PDS5A: variants seen among roughly 807,000 people sequenced by gnomAD.
PDS5A encodes sister chromatid cohesion protein PDS5 homolog A.
PDS5A carries 42 observed loss-of-function variants against 167.1 expected under a neutral mutation model. The observed-to-expected ratio is 0.25, with a 90% CI of 0.20 to 0.33. The LOEUF is 0.33. Ranked by LOEUF, PDS5A falls within the 10% of genes least tolerant of loss-of-function variation. The probability of loss-of-function intolerance (pLI) is 1.00; values close to 1 mark genes in which losing one functional copy is unlikely to be tolerated. For missense variants in PDS5A, 1,033 were observed against 1,605.9 expected, an observed-to-expected ratio of 0.64 and a Z score of 6.10; for synonymous variants, 553 against 554.6, an observed-to-expected ratio of 1.00 and a Z score of 0.04.
chr4:39,845,804 TAAGTA>T lies in PDS5A; in HGVS notation c.3402+9_3402+13del. ...CATGAAACAAAGATCTCAAAATTAT[TAAGTA>T]AATAATACCTTTCCTGTTAACAGAA... On this transcript the variant is annotated intron_variant, in intron 29 of 32. Coordinates refer to ENST00000303538, the MANE Select transcript of PDS5A (RefSeq NM_001100399.2). 2.2e-6 allele frequency: 3 copies of T among 1,392,732 alleles called. No homozygotes were observed. Among genetic ancestry groups the T allele is most frequent in the South Asian group, 1.6e-5 (1 of 61,556 alleles). The allele number at this position is 1,392,732 out of a possible 1,614,324, so 86.3% of individuals were successfully genotyped here.
chr4:39,829,950 CA>C (rs1158287221), intron 32 of PDS5A, among the ~76,000 whole-genome samples: 19 of 67,294 alleles, frequency 2.8e-4, no homozygotes, highest in African/African-American at 1.5e-3. Context: ...GACTCCAACT[CA>C]AAAAAAAAAA....
chr4:39,848,761 A>C (rs1219544591), intron 28 of PDS5A, 90 bp downstream of exon 28: 1 of 1,187,214 alleles, frequency 8.4e-7, no homozygotes, highest in Non-Finnish European at 1.2e-6. Context: ...CTCTGTGGTC[A>C]AGACAATTCA....
chr4:39,895,083 C>T (rs966298368), intron 16 of PDS5A, among the ~76,000 whole-genome samples: 4 of 150,762 alleles, frequency 2.7e-5, no homozygotes, highest in Admixed American at 1.3e-4. Flanking sequence ...AAAAATTAGC[C>T]GGGCGAGGTG....
chr4:39,897,299 G>T (rs1282788696), intron 16 of PDS5A, among the ~76,000 whole-genome samples: 1 of 152,142 alleles, frequency 6.6e-6, no homozygotes, highest in Non-Finnish European at 1.5e-5. Flanking sequence ...GAAGGCTGAG[G>T]CACAAGAATC....
chr4:39,873,268 G>A lies in PDS5A; in HGVS notation c.2278-124C>T, dbSNP rs1017046877. ...TGCCCAAACCAATCTTCTCTAATAC[G>A]ATCATAACTAACTTCAACCATGTTA... On this transcript the variant is annotated intron_variant, in intron 20 of 32. Coordinates refer to ENST00000303538, the MANE Select transcript of PDS5A (RefSeq NM_001100399.2). 12 of 456,246 alleles carry A rather than the reference G, an allele frequency of 2.6e-5. No individual in the cohort carries two copies. In the South Asian group the frequency reaches 8.1e-4, roughly 31 times the overall value. 28.3% of individuals were successfully genotyped at this position (456,246 alleles called of 1,614,324 possible).
intron 2 of PDS5A, among the ~76,000 whole-genome samples, chr4:39,975,667 A>G (rs1015429595): frequency 1.3e-5 from 2 of 152,164 alleles, no homozygotes; most frequent in African/African-American, 4.8e-5. Flanking sequence ...ACCAATTGTG[A>G]CAACCAAAAT....
intron 4 of PDS5A, among the ~76,000 whole-genome samples, 165 bp downstream of exon 4, chr4:39,926,610 G>A (rs1725494093): frequency 6.6e-6 from 1 of 151,398 alleles, no homozygotes; most frequent in African/African-American, 2.4e-5. Context: ...TATCTCTTCA[G>A]GATAGGAAGA....
chr4:39,825,678 C>T (rs1399224394), intron 32 of PDS5A, among the ~76,000 whole-genome samples, 190 bp from the exon 33 acceptor site: 1 of 151,922 alleles, frequency 6.6e-6, no homozygotes, highest in Admixed American at 6.6e-5. Context: ...AGCCCCAACT[C>T]CTGGGTTCAA....
At chr4:39,949,287 G>A (rs1346642440) in intron 2 of PDS5A, among the ~76,000 whole-genome samples, 7 of 101,832 alleles carry the variant, frequency 6.9e-5, no homozygotes, top group Non-Finnish European at 1.1e-4. Context: ...GGATGAAAGA[G>A]CAAGAACCTA....
At chr4:39,867,152 T>C in intron 22 of PDS5A, 155 bp from the exon 23 acceptor site, 1 of 579,528 alleles carries the variant, frequency 1.7e-6, no homozygotes, top group Non-Finnish European at 2.9e-6. Flanking sequence ...TACGAACTAA[T>C]ATTTACTCTG....
chr4:39,927,363 T>A (rs1725566712), intron 3 of PDS5A, among the ~76,000 whole-genome samples: 2 of 152,226 alleles, frequency 1.3e-5, no homozygotes, highest in Non-Finnish European at 1.5e-5. Flanking sequence ...TTTCATTTCT[T>A]AATAAGCTTT....
intron 2 of PDS5A, among the ~76,000 whole-genome samples, chr4:39,955,531 G>T (rs1174559190): frequency 6.6e-6 from 1 of 152,006 alleles, no homozygotes; most frequent in Middle Eastern, 3.4e-3. Context: ...ACCCGGGGGA[G>T]CGGAGGTTGC....
At chr4:39,825,599 T>A (rs1046702123) in intron 32 of PDS5A, 111 bp from the exon 33 acceptor site, 57 of 719,606 alleles carry the variant, frequency 7.9e-5, no homozygotes, top group East Asian at 1.0e-4. Flanking sequence ...TTTTTTTTTT[T>A]AAACTTAAGC....
chr4:39,943,330 A>G (rs997538767), intron 2 of PDS5A, among the ~76,000 whole-genome samples: 1 of 152,120 alleles, frequency 6.6e-6, no homozygotes, highest in Non-Finnish European at 1.5e-5. Flanking sequence ...ACCAGCATAG[A>G]CTACTTGATA....
At chr4:39,864,084 C>A (rs180868283) in intron 23 of PDS5A, among the ~76,000 whole-genome samples, 5 of 151,432 alleles carry the variant, frequency 3.3e-5, no homozygotes, top group Admixed American at 2.6e-4. Context: ...GAGCCAAGGT[C>A]GCACCACTGC....
chr4:39,954,709 G>A (rs999877742), intron 2 of PDS5A, among the ~76,000 whole-genome samples: 16 of 149,686 alleles, frequency 1.1e-4, no homozygotes, highest in Non-Finnish European at 1.9e-4. Context: ...AGAAACAGAG[G>A]TGGACCAAAC....
chr4:39,969,955 A>G (rs1196161245), intron 2 of PDS5A, among the ~76,000 whole-genome samples: 1 of 109,738 alleles, frequency 9.1e-6, no homozygotes, highest in East Asian at 2.7e-4. Context: ...TATGTAATGT[A>G]GAATCTTTTT....
In PDS5A at chr4:39,868,379, A is replaced by AG. The variant is rs201029888; in HGVS notation, c.2505+1014dup. Among the ~76,000 whole-genome samples, 827 of 152,294 alleles carry AG rather than the reference A, an allele frequency of 5.4e-3. 26 individuals carry two copies. Among genetic ancestry groups the AG allele is most frequent in the Admixed American group, 0.05 (760 of 15,296 alleles). On this transcript the variant is annotated intron_variant, in intron 22 of 32. Coordinates refer to ENST00000303538, the MANE Select transcript of PDS5A (RefSeq NM_001100399.2). ...AGTTTCACTCTGTTGCCCAAGCTGGAGGGCGGTGGCGGGACCTTGGCTCAC... is the reference window on the plus strand; with the variant it reads ...AGTTTCACTCTGTTGCCCAAGCTGGAGGGGCGGTGGCGGGACCTTGGCTCAC...
intron 2 of PDS5A, among the ~76,000 whole-genome samples, 158 bp from the exon 3 acceptor site, chr4:39,928,322 GA>G (rs1725650618): frequency 6.6e-6 from 1 of 151,556 alleles, no homozygotes; most frequent in Non-Finnish European, 1.5e-5. Context: ...AAGAATTTCA[GA>G]AAAGATCACA....
Sources: gnomAD v4.1 joint callset for allele counts (sites outside exome capture counted in the v4.1 genomes callset) on GRCh38, gnomAD v4.1.1 for gene constraint, MANE v1.5 for transcripts, NCBI Gene and HGNC (gene_info 2026-07-23, HGNC 2026-07-21) for gene names.